Variants in C8orf34 observed in about 807,000 individuals in gnomAD.
C8orf34 encodes chromosome 8 open reading frame 34.
Under a neutral mutation model 68.3 loss-of-function variants are expected in C8orf34, and 65 were observed. That is an observed-to-expected ratio of 0.95 (90% confidence interval 0.78 to 1.17). The LOEUF is 1.17. Among genes scored for constraint, C8orf34 ranks in the 50% most tolerant of loss-of-function variants. C8orf34 has a pLI of 0.00. For synonymous variants in C8orf34, 244 were observed against 241.2 expected, an observed-to-expected ratio of 1.01 and a Z score of -0.11; for missense variants, 664 against 655.4, an observed-to-expected ratio of 1.01 and a Z score of -0.14.
intron 1 of C8orf34, among the ~76,000 whole-genome samples, chr8:68,370,483 C>G (rs1201018657): frequency 6.6e-6 from 1 of 152,166 alleles, no homozygotes; most frequent in African/African-American, 2.4e-5. Flanking sequence ...TGGAGCCTAT[C>G]AAGGAGACTG....
chr8:68,339,571 T>C lies in C8orf34; in HGVS notation c.327+8232T>C, dbSNP rs10091598. Among the ~76,000 whole-genome samples, 270 of 152,094 alleles carry C rather than the reference T, an allele frequency of 1.8e-3. 2 individuals carry two copies. The highest frequency in any genetic ancestry group is 6.2e-3 in the African/African-American group (259 of 41,566). ...AGGAAAACTCAATACTATTAATATGTTGAATTATATATGCTACCTGACTTC... is the reference window on the plus strand; with the variant it reads ...AGGAAAACTCAATACTATTAATATGCTGAATTATATATGCTACCTGACTTC... On this transcript the variant is annotated intron_variant, in intron 1 of 13. Transcript: ENST00000518698.
At chr8:68,375,335 T>C (rs1198982928) in intron 1 of C8orf34, among the ~76,000 whole-genome samples, 1 of 152,212 alleles carries the variant, frequency 6.6e-6, no homozygotes, top group African/African-American at 2.4e-5. Flanking sequence ...AATCTATTAA[T>C]AAATTTTACA....
intron 4 of C8orf34, among the ~76,000 whole-genome samples, chr8:68,482,447 A>G (rs1036626749): frequency 3.3e-5 from 5 of 152,184 alleles, no homozygotes; most frequent in Non-Finnish European, 7.3e-5. Flanking sequence ...AATTTATTTT[A>G]AAATATAAGT....
Position 68,407,710 on chromosome 8 carries a change from T to G in C8orf34, c.328-31789T>G, listed in dbSNP as rs1197501005. Among the ~76,000 whole-genome samples the G allele has an allele frequency of 2.6e-5, 4 of 152,206 alleles. No homozygotes were observed. The East Asian group carries it at 7.7e-4, about 29-fold the overall frequency. On this transcript the variant is annotated intron_variant, in intron 1 of 13. Transcript: ENST00000518698. ...TCCTTCTTAAAAATGTTAGGCCTTT[T>G]GTATCTCACTAACATTTCTCTTAAT...
chr8:68,433,932 A>T (rs1810550861), intron 1 of C8orf34, among the ~76,000 whole-genome samples: 1 of 152,150 alleles, frequency 6.6e-6, no homozygotes, highest in Non-Finnish European at 1.5e-5. Context: ...GTTAGTATTC[A>T]TTTTCCAGCT....
At chr8:68,369,324 T>G (rs1343504618) in intron 1 of C8orf34, among the ~76,000 whole-genome samples, 2 of 152,222 alleles carry the variant, frequency 1.3e-5, no homozygotes, top group Non-Finnish European at 2.9e-5. Context: ...GGTTTGCTTC[T>G]TGGGAGCCTT....
chr8:68,480,134 C>G (rs1812796446), intron 4 of C8orf34, among the ~76,000 whole-genome samples: 1 of 152,138 alleles, frequency 6.6e-6, no homozygotes. Context: ...CCAGAATTCC[C>G]ACATGTTGTG....
chr8:68,488,000 T>A (rs1813149360), intron 4 of C8orf34, 23 bp from the exon 5 acceptor site: 1 of 1,565,376 alleles, frequency 6.4e-7, no homozygotes, highest in Non-Finnish European at 8.7e-7. Context: ...AACTTTTTTT[T>A]ATAAATCTCT....
intron 1 of C8orf34, among the ~76,000 whole-genome samples, chr8:68,373,192 G>A (rs1056727098): frequency 3.3e-5 from 5 of 151,966 alleles, no homozygotes; most frequent in South Asian, 2.1e-4. Flanking sequence ...ACAGGGTTTC[G>A]CTATGTTGGC....
chr8:68,461,179 G>A (rs912775542), intron 3 of C8orf34, among the ~76,000 whole-genome samples: 11 of 152,342 alleles, frequency 7.2e-5, no homozygotes, highest in Admixed American at 2.0e-4. Context: ...TCAACTGGAA[G>A]AAAGCGTATC....
intron 3 of C8orf34, among the ~76,000 whole-genome samples, chr8:68,459,056 A>G (rs1172363020): frequency 6.6e-6 from 1 of 152,150 alleles, no homozygotes; most frequent in Non-Finnish European, 1.5e-5. Context: ...ACATTAGCAG[A>G]TATGATATGG....
At chr8:68,793,552 AC>A (rs112333898) in intron 12 of C8orf34, among the ~76,000 whole-genome samples, 20,722 of 152,168 alleles carry the variant, frequency 0.14, 1,926 homozygotes, top group East Asian at 0.46. Flanking sequence ...TCCTCAGCAA[AC>A]CAACGCAAAG....
At chr8:68,781,305 T>C (rs1823671756) in intron 11 of C8orf34, among the ~76,000 whole-genome samples, 1 of 152,202 alleles carries the variant, frequency 6.6e-6, no homozygotes, top group Non-Finnish European at 1.5e-5. Flanking sequence ...CTTATTCTGT[T>C]AGCAGATAGA....
At chr8:68,683,425 A>G (rs1172391620) in intron 8 of C8orf34, among the ~76,000 whole-genome samples, 3 of 151,714 alleles carry the variant, frequency 2.0e-5, no homozygotes, top group African/African-American at 7.3e-5. Flanking sequence ...AACGGGGAGT[A>G]CTGATCTGTT....
At chr8:68,612,525 T>C (rs1307291056) in intron 7 of C8orf34, among the ~76,000 whole-genome samples, 1 of 152,190 alleles carries the variant, frequency 6.6e-6, no homozygotes, top group African/African-American at 2.4e-5. Flanking sequence ...TTTCAAACTA[T>C]ATTGCCATTT....
At chr8:68,548,035 A>G (rs1489579832) in intron 7 of C8orf34, among the ~76,000 whole-genome samples, 2 of 151,826 alleles carry the variant, frequency 1.3e-5, no homozygotes, top group Non-Finnish European at 3.0e-5. Flanking sequence ...ACGCCACAAC[A>G]AACATTACTT....
At chr8:68,502,503 A>G (rs936254482) in intron 5 of C8orf34, among the ~76,000 whole-genome samples, 2 of 152,216 alleles carry the variant, frequency 1.3e-5, no homozygotes, top group African/African-American at 4.8e-5. Context: ...AGTGAGTTAT[A>G]GCAAATATTT....
chr8:68,594,397 C>G (rs1268873452), intron 7 of C8orf34, among the ~76,000 whole-genome samples: 2 of 151,870 alleles, frequency 1.3e-5, no homozygotes, highest in Non-Finnish European at 2.9e-5. Flanking sequence ...TTTCCTCTTA[C>G]GATGTTTTTC....
intron 8 of C8orf34, among the ~76,000 whole-genome samples, chr8:68,662,037 G>A (rs1865443): frequency 0.51 from 77,156 of 151,820 alleles, 20,511 homozygotes; most frequent in African/African-American, 0.67. Flanking sequence ...TGGGAGTCCC[G>A]CAAAATATGA....
Sources: gnomAD v4.1 joint callset for allele counts (sites outside exome capture counted in the v4.1 genomes callset) on GRCh38, gnomAD v4.1.1 for gene constraint, MANE v1.5 for transcripts, NCBI Gene and HGNC (gene_info 2026-07-23, HGNC 2026-07-21) for gene names.